NKX2-5: variants seen among roughly 807,000 people sequenced by gnomAD.
NKX2-5 encodes homeobox protein Nkx-2.5.
In NKX2-5, 3 loss-of-function variants were observed where a neutral mutation model predicts 24.5. The observed-to-expected ratio is 0.12, with a 90% CI of 0.06 to 0.32. NKX2-5 has a LOEUF of 0.32. Ranked by LOEUF, NKX2-5 falls within the 10% of genes least tolerant of loss-of-function variation. The pLI is 1.00. For missense variants in NKX2-5, 429 were observed against 452.4 expected, an observed-to-expected ratio of 0.95 and a Z score of 0.47; for synonymous variants, 215 against 217.6, an observed-to-expected ratio of 0.99 and a Z score of 0.11.
At position 173,234,879 on chromosome 5, in the gene NKX2-5, G is replaced by C. The variant is rs1459934714; in HGVS notation, c.205C>G (p.Leu69Val). The C allele has an allele frequency of 4.4e-6, 7 of 1,606,620 alleles. No homozygotes were observed. Among genetic ancestry groups the C allele is most frequent in the Non-Finnish European group, 5.9e-6 (7 of 1,176,634 alleles). ...GGCGCGCGGCCCAGCTCTGCGCGCAGCTCTGGGAGGCCCGGCGCAGCCGCC... is the reference window on the plus strand; with the variant it reads ...GGCGCGCGGCCCAGCTCTGCGCGCACCTCTGGGAGGCCCGGCGCAGCCGCC... ...PEAAAPGLPE[L>V]RAELGRAPSP... is the part of the protein sequence containing the mutation. Residue 69 changes from leucine to valine, a missense_variant, in exon 1 of 2, where the codon CTG becomes GTG. Transcript: ENST00000329198.
chr5:173,233,504 G>GAAAAA, intron 1 of NKX2-5: 2 of 583,552 alleles, frequency 3.4e-6, no homozygotes, highest in Admixed American at 3.9e-5. Flanking sequence ...ATTTCAGGCT[G>GAAAAA]CAAAAAAAAA....
chr5:173,234,801 G>A lies in NKX2-5; in HGVS notation c.283C>T (p.Arg95Cys), dbSNP rs1244289450. The A allele has an allele frequency of 5.1e-6, 8 of 1,583,006 alleles. No individual in the cohort carries two copies. The highest frequency in any genetic ancestry group is 1.2e-5 in the South Asian group (1 of 86,294). ...AFPAAPAFYP[R>C]AYSDPDPAKD... ...GCTGGGTCGGGGTCGCTGTAGGCACGTGGATAGAAGGCGGGGGCGGCGGGA... is the reference window on the plus strand; with the variant it reads ...GCTGGGTCGGGGTCGCTGTAGGCACATGGATAGAAGGCGGGGGCGGCGGGA... The change falls in exon 1 of 2, where the codon CGT becomes TGT. Residue 95 changes from arginine to cysteine, a missense_variant. Arg to Cys is a radical substitution (Grantham distance 180). This residue lies in a region of NKX2-5 where 240 missense variants were observed against 240.4 expected (regional missense o/e 1.00). Coordinates refer to ENST00000329198, the MANE Select transcript of NKX2-5 (RefSeq NM_004387.4).
In NKX2-5 at chr5:173,232,699, T is replaced by C. The variant is rs1761344686; in HGVS notation, c.845A>G (p.Gln282Arg). The C allele has an allele frequency of 6.2e-7, 1 of 1,610,450 alleles. No homozygotes were observed. Among genetic ancestry groups the C allele is most frequent in the Non-Finnish European group, 8.5e-7 (1 of 1,178,022 alleles). ...AAYPAGPSPA[Q>R]PATAAANNNF... ...GTTGTTGGCGGCGGCAGTGGCCGGCTGCGCTGGGGAAGGCCCGGCGGGGTA... is the reference window on the plus strand; with the variant it reads ...GTTGTTGGCGGCGGCAGTGGCCGGCCGCGCTGGGGAAGGCCCGGCGGGGTA... Residue 282 changes from glutamine to arginine, a missense_variant, in exon 2 of 2, where the codon CAG becomes CGG. By Grantham distance (43) the Gln-to-Arg change is conservative. Transcript: ENST00000329198. The surrounding 1 kb of genome is among the most constrained non-coding windows in gnomAD (Gnocchi z 5.9).
Position 173,232,724 on chromosome 5 carries a change from A to T in NKX2-5, c.820T>A (p.Tyr274Asn). Residue 274 changes from tyrosine to asparagine, a missense_variant, in exon 2 of 2, where the codon TAC becomes AAC. Physicochemically the swap from Tyr to Asn is moderately radical, Grantham distance 143 (BLOSUM62 -2). Around this residue, in one of 3 missense-constraint regions of NKX2-5, gnomAD observed 183 missense variants for 185.9 expected, o/e 0.98. Transcript: ENST00000329198. The surrounding 1 kb of genome is among the most constrained non-coding windows in gnomAD (Gnocchi z 5.9). ...TGCGCTGGGGAAGGCCCGGCGGGGT[A>T]AGCGGCAGTGCAGCTGTAGCCAGGG... ...CSPGYSCTAA[Y>N]PAGPSPAQPA... 6.2e-7 allele frequency: 1 copy of T among 1,607,986 alleles called. No homozygotes were observed. The highest frequency in any genetic ancestry group is 8.5e-7 in the Non-Finnish European group (1 of 1,176,956).
Position 173,232,222 on chromosome 5 carries a change from G to C in NKX2-5, c.*347C>G, listed in dbSNP as rs577727386. 3.3e-6 allele frequency: 1 copy of C among 306,970 alleles called. No homozygotes were observed. Among genetic ancestry groups the C allele is most frequent in the East Asian group, 7.2e-5 (1 of 13,798 alleles). 19.0% of individuals were successfully genotyped at this position (306,970 alleles called of 1,614,324 possible). A position where few individuals can be genotyped will look rare whatever the true frequency, so the allele number is the denominator to read the frequency against. On this transcript the variant is annotated 3_prime_UTR_variant, in exon 2 of 2. Transcript: ENST00000329198. The surrounding 1 kb of genome is among the most constrained non-coding windows in gnomAD (Gnocchi z 5.9). The stretch of plus-strand genomic sequence containing the variant: ...ACGGCGAGATAGCAAAGGCCCGGGC[G>C]CCCGGCCCTGGCTCGCGGAATGGGC...
chr5:173,233,472 G>T (rs2113902880), intron 1 of NKX2-5: 1 of 1,355,940 alleles, frequency 7.4e-7, no homozygotes, highest in Non-Finnish European at 1.0e-6. Flanking sequence ...ACCCTGGTGA[G>T]GGAGACAGAC....
intron 1 of NKX2-5, chr5:173,233,475 A>G (rs1761376774): frequency 1.7e-6 from 2 of 1,177,108 alleles, no homozygotes; most frequent in Middle Eastern, 2.0e-4. Context: ...CTGGTGAGGG[A>G]GACAGACGGT....
rs1761336244 is a variant in NKX2-5, at chr5:173,232,474, G to A, written c.*95C>T. On this transcript the variant is annotated 3_prime_UTR_variant, in exon 2 of 2. Transcript: ENST00000329198. The surrounding 1 kb of genome is among the most constrained non-coding windows in gnomAD (Gnocchi z 5.9). ...CGCAGGAGTGAATGCAAAATCCAGG[G>A]GACTCAGGGTCATGTTGGGAGCCCC... 1.3e-6 allele frequency: 2 copies of A among 1,553,612 alleles called. No homozygotes were observed. Among genetic ancestry groups the A allele is most frequent in the Non-Finnish European group, 1.7e-6 (2 of 1,156,900 alleles).
rs1472365627 is a variant in NKX2-5 at position 173,235,187 on chromosome 5, C to G, written c.-104G>C. On this transcript the variant is annotated 5_prime_UTR_variant, in exon 1 of 2. Coordinates refer to ENST00000329198, the MANE Select transcript of NKX2-5 (RefSeq NM_004387.4). Reference sequence around the variant, plus strand: ...TGGTGCCGCCGCCCGCCCGCGCACCCGTCGGCCAGCTCTGGATGTGTCCGG... The same window carrying G: ...TGGTGCCGCCGCCCGCCCGCGCACCGGTCGGCCAGCTCTGGATGTGTCCGG... 16 of 1,169,328 alleles carry G rather than the reference C, an allele frequency of 1.4e-5. No homozygotes were observed. The highest frequency in any genetic ancestry group is 2.6e-5 in the East Asian group (1 of 38,802). The allele number at this position is 1,169,328 out of a possible 1,614,324, so 72.4% of individuals were successfully genotyped here. A position where few individuals can be genotyped will look rare whatever the true frequency, so the allele number is the denominator to read the frequency against.
In NKX2-5 at chr5:173,234,722, G is replaced by A. The variant is rs565199103; in HGVS notation, c.334+28C>T. 2.0e-5 allele frequency: 30 copies of A among 1,487,662 alleles called. No homozygotes were observed. In the South Asian group the frequency reaches 3.6e-4, roughly 18 times the overall value. The allele number at this position is 1,487,662 out of a possible 1,614,324, so 92.2% of individuals were successfully genotyped here. On this transcript the variant is annotated intron_variant, in intron 1 of 1. Transcript: ENST00000329198. ...TGGGGACGAAAGCGACCCAGGAGGGGAGAAGGGGGCCTGTGTTTCCTCCTC... is the reference window on the plus strand; with the variant it reads ...TGGGGACGAAAGCGACCCAGGAGGGAAGAAGGGGGCCTGTGTTTCCTCCTC...
chr5:173,233,504 G>GAAAAAA, intron 1 of NKX2-5: 7 of 583,550 alleles, frequency 1.2e-5, no homozygotes, highest in South Asian at 6.3e-5. Flanking sequence ...ATTTCAGGCT[G>GAAAAAA]CAAAAAAAAA....
intron 1 of NKX2-5, 110 bp from the exon 2 acceptor site, chr5:173,233,319 C>T (rs1198885991): frequency 6.5e-7 from 1 of 1,538,734 alleles, no homozygotes; most frequent in South Asian, 1.2e-5. Flanking sequence ...TGTGTCCTGC[C>T]TGGAGCGCCC....
Position 173,235,020 on chromosome 5 carries a change from GT to G in NKX2-5, c.63del (p.Glu21AspfsTer155). On this transcript the variant is annotated frameshift_variant, in exon 1 of 2. Coordinates refer to ENST00000329198, the MANE Select transcript of NKX2-5 (RefSeq NM_004387.4). LOFTEE classifies it high-confidence loss of function. ...GCGGCAGCCAGGCTGCGCTGCTGCT[GT>G]TCCAGGTTTAGGATGTCTTTGACTG... is the stretch of plus-strand genomic sequence containing the variant. ...PFSVKDILNL[E>X]QQQRSLAAAG... The G allele has an allele frequency of 6.2e-7, 1 of 1,611,814 alleles. No homozygotes were observed. Among genetic ancestry groups the G allele is most frequent in the Non-Finnish European group, 8.5e-7 (1 of 1,179,284 alleles).
Position 173,232,212 on chromosome 5 carries a change from A to T in NKX2-5, c.*357T>A. The T allele has an allele frequency of 6.9e-6, 2 of 289,654 alleles. No individual in the cohort carries two copies. Among genetic ancestry groups the T allele is most frequent in the Non-Finnish European group, 6.5e-6 (1 of 153,476 alleles). 17.9% of individuals were successfully genotyped at this position (289,654 alleles called of 1,614,324 possible). A position where few individuals can be genotyped will look rare whatever the true frequency, so the allele number is the denominator to read the frequency against. On this transcript the variant is annotated 3_prime_UTR_variant, in exon 2 of 2. Coordinates refer to ENST00000329198, the MANE Select transcript of NKX2-5 (RefSeq NM_004387.4). The surrounding 1 kb of genome is among the most constrained non-coding windows in gnomAD (Gnocchi z 5.9). ...TGGGCGGGCGACGGCGAGATAGCAA[A>T]GGCCCGGGCGCCCGGCCCTGGCTCG...
intron 1 of NKX2-5, among the ~76,000 whole-genome samples, 173 bp downstream of exon 1, chr5:173,234,577 A>G (rs924276630): frequency 1.3e-5 from 2 of 152,030 alleles, no homozygotes; most frequent in Non-Finnish European, 2.9e-5. Flanking sequence ...TGAACCTCCG[A>G]TTGGACGCGG....
At position 173,233,515 on chromosome 5, in the gene NKX2-5, A is replaced by AAAAT. The variant is rs757060818; in HGVS notation, c.335-307_335-306insATTT. ...TAAAATTTCAGGCTGCAAAAAAAAA[A>AAAAT]AAAATAAATAAAAAAATAAAAAAAT... On this transcript the variant is annotated intron_variant, in intron 1 of 1. Transcript: ENST00000329198. The AAAAT allele has an allele frequency of 2.5e-4, 209 of 849,412 alleles. 2 individuals carry two copies. The African/African-American group carries it at 3.6e-3, about 15-fold the overall frequency. 52.6% of individuals were successfully genotyped at this position (849,412 alleles called of 1,614,324 possible). A position where few individuals can be genotyped will look rare whatever the true frequency, so the allele number is the denominator to read the frequency against.
intron 1 of NKX2-5, 121 bp from the exon 2 acceptor site, chr5:173,233,330 A>AGCTG (rs1471231639): frequency 2.0e-6 from 3 of 1,537,482 alleles, no homozygotes; most frequent in Non-Finnish European, 2.6e-6. Context: ...TGGAGCGCCC[A>AGCTG]GCTGGCTGCG....
At chr5:173,233,866 C>T (rs1211994221) in intron 1 of NKX2-5, 2 of 985,344 alleles carry the variant, frequency 2.0e-6, no homozygotes, top group Non-Finnish European at 2.4e-6. Flanking sequence ...CTCAACAAAC[C>T]TATGAATTCT....
At chr5:173,234,036 G>A in intron 1 of NKX2-5, 1 of 1,285,284 alleles carries the variant, frequency 7.8e-7, no homozygotes, top group Admixed American at 2.3e-5. Context: ...CCTGCGGGAT[G>A]ATCCCGCACT....
Sources: gnomAD v4.1 joint callset for allele counts (sites outside exome capture counted in the v4.1 genomes callset) on GRCh38, gnomAD v4.1.1 for gene constraint, gnomAD v4.1.1 regional missense constraint, Gnocchi (gnomAD v3.1) non-coding constraint, MANE v1.5 for transcripts, NCBI Gene and HGNC (gene_info 2026-07-23, HGNC 2026-07-21) for gene names.